The following APAF1 variants were observed in gnomAD, a reference collection of about 807,000 sequenced individuals.
The protein encoded by APAF1 is apoptotic protease-activating factor 1.
Under a neutral mutation model 152.4 loss-of-function variants are expected in APAF1, and 91 were observed. The ratio of observed to expected loss-of-function variants is 0.60; its 90% CI spans 0.50 to 0.71. The LOEUF is 0.71. APAF1 is among the 30% of genes least tolerant of loss of function. APAF1 has a pLI of 0.00. For missense variants in APAF1, 1,283 were observed against 1,472.0 expected, an observed-to-expected ratio of 0.87 and a Z score of 2.10; for synonymous variants, 484 against 494.1, an observed-to-expected ratio of 0.98 and a Z score of 0.27.
chr12:98,711,236 A>G (rs1246033578), intron 20 of APAF1, among the ~76,000 whole-genome samples: 4 of 152,114 alleles, frequency 2.6e-5, no homozygotes, highest in Non-Finnish European at 5.9e-5. Flanking sequence ...TCATGCTTGT[A>G]TTTCCTTTAT....
chr12:98,680,437 A>C (rs772984932), intron 14 of APAF1, 35 bp downstream of exon 14: 1 of 1,604,976 alleles, frequency 6.2e-7, no homozygotes, highest in Non-Finnish European at 8.5e-7. Flanking sequence ...TTGTAATCAC[A>C]ACAGAATTCA....
chr12:98,694,892 T>C (rs2097708068), intron 16 of APAF1, among the ~76,000 whole-genome samples: 1 of 151,940 alleles, frequency 6.6e-6, no homozygotes, highest in Admixed American at 6.5e-5. Context: ...TTTTTTTTTT[T>C]TTTAGACAGT....
chr12:98,691,506 C>G (rs2097704190), intron 16 of APAF1, among the ~76,000 whole-genome samples: 1 of 152,166 alleles, frequency 6.6e-6, no homozygotes, highest in Non-Finnish European at 1.5e-5. Context: ...TGTTTCCTGA[C>G]TACCTACTCC....
At chr12:98,700,352 G>A (rs1380303852) in intron 17 of APAF1, among the ~76,000 whole-genome samples, 3 of 152,146 alleles carry the variant, frequency 2.0e-5, no homozygotes, top group Non-Finnish European at 4.4e-5. Context: ...CAAAAGACTT[G>A]AATGAGGGAT....
intron 16 of APAF1, among the ~76,000 whole-genome samples, chr12:98,690,997 A>G (rs2097703565): frequency 1.3e-5 from 2 of 152,086 alleles, no homozygotes; most frequent in South Asian, 2.1e-4. Flanking sequence ...TCATGAGGTC[A>G]GGAGTTCGAG....
chr12:98,675,261 G>A (rs1006757891), intron 12 of APAF1, among the ~76,000 whole-genome samples: 1 of 152,102 alleles, frequency 6.6e-6, no homozygotes, highest in African/African-American at 2.4e-5. Flanking sequence ...TCATTCATTT[G>A]TTATTTGTCT....
In APAF1 at chr12:98,666,274, G is replaced by A; in HGVS notation, c.1279G>A (p.Asp427Asn). ...TGTAAATAAGTCTCTTTTATTCTGT[G>A]ATCGGAATGGAAAGTCGTTTCGTTA... ...EFVNKSLLFC[D>N]RNGKSFRYYL... The change falls in exon 9 of 27, where the codon GAT becomes AAT. Residue 427 changes from aspartate to asparagine, a missense_variant. Coordinates refer to ENST00000551964, the MANE Select transcript of APAF1 (RefSeq NM_181861.2). 3 of 1,613,730 alleles carry A rather than the reference G, an allele frequency of 1.9e-6. No homozygotes were observed. Among genetic ancestry groups the A allele is most frequent in the Non-Finnish European group, 2.5e-6 (3 of 1,179,798 alleles).
At chr12:98,707,692 C>CTATATA (rs10668292) in intron 19 of APAF1, among the ~76,000 whole-genome samples, 3,952 of 139,578 alleles carry the variant, frequency 0.028, 175 homozygotes, top group African/African-American at 0.095. Flanking sequence ...ATGCAAAGTA[C>CTATATA]TATATATATA....
intron 21 of APAF1, 200 bp downstream of exon 21, chr12:98,712,635 G>A: frequency 1.8e-6 from 1 of 549,420 alleles, no homozygotes; most frequent in Non-Finnish European, 3.2e-6. Flanking sequence ...TCCCACTTAA[G>A]CCTCCTGAGT....
At chr12:98,647,665 C>T (rs1009738888) in intron 1 of APAF1, among the ~76,000 whole-genome samples, 15 of 151,392 alleles carry the variant, frequency 9.9e-5, no homozygotes, top group African/African-American at 2.2e-4. Flanking sequence ...CCACTGCGCC[C>T]GGCCCCCACG....
chr12:98,668,738 A>G (rs1025469839), intron 10 of APAF1, among the ~76,000 whole-genome samples: 4 of 152,208 alleles, frequency 2.6e-5, no homozygotes, highest in African/African-American at 9.6e-5. Context: ...GGTCTTTGGG[A>G]GAACAAGCTT....
At chr12:98,692,685 G>A (rs2097705612) in intron 16 of APAF1, among the ~76,000 whole-genome samples, 1 of 152,142 alleles carries the variant, frequency 6.6e-6, no homozygotes, top group African/African-American at 2.4e-5. Context: ...TTAGGATAAT[G>A]GCCTCCAGCT....
intron 16 of APAF1, among the ~76,000 whole-genome samples, chr12:98,687,420 A>G (rs2097699179): frequency 6.6e-6 from 1 of 151,624 alleles, no homozygotes; most frequent in Non-Finnish European, 1.5e-5. Context: ...TTGAATTCTT[A>G]AATTTTAAGT....
chr12:98,710,141 T>TG (rs779232554), intron 20 of APAF1, among the ~76,000 whole-genome samples: 5 of 151,036 alleles, frequency 3.3e-5, no homozygotes, highest in Non-Finnish European at 5.9e-5. Context: ...CCCAAAGAGC[T>TG]GGGATTATAG....
At chr12:98,671,995 A>G (rs770822802) in intron 12 of APAF1, among the ~76,000 whole-genome samples, 4 of 152,180 alleles carry the variant, frequency 2.6e-5, no homozygotes, top group Non-Finnish European at 4.4e-5. Context: ...GTAATTTAGT[A>G]TAGTGGTGAG....
intron 21 of APAF1, among the ~76,000 whole-genome samples, chr12:98,713,327 G>A (rs902886874): frequency 2.0e-5 from 3 of 151,952 alleles, no homozygotes; most frequent in Admixed American, 6.6e-5. Flanking sequence ...TCAAGATTTC[G>A]CTAACTATGC....
chr12:98,729,379 T>C (rs2097756606), intron 26 of APAF1, among the ~76,000 whole-genome samples: 1 of 152,176 alleles, frequency 6.6e-6, no homozygotes, highest in Admixed American at 6.5e-5. Flanking sequence ...CATTAGATTC[T>C]CGTAAGGAGT....
At chr12:98,727,115 A>T in intron 25 of APAF1, 58 bp from the exon 26 acceptor site, 1 of 1,545,210 alleles carries the variant, frequency 6.5e-7, no homozygotes, top group Non-Finnish European at 8.9e-7. Context: ...TATATGTTTT[A>T]AAACCAGAGA....
chr12:98,694,120 A>G (rs1477028155), intron 16 of APAF1, among the ~76,000 whole-genome samples: 2 of 152,226 alleles, frequency 1.3e-5, no homozygotes, highest in Non-Finnish European at 2.9e-5. Context: ...CACATGTAAA[A>G]ATTAAAGATG....
Sources: gnomAD v4.1 joint callset for allele counts (sites outside exome capture counted in the v4.1 genomes callset) on GRCh38, gnomAD v4.1.1 for gene constraint, MANE v1.5 for transcripts, NCBI Gene and HGNC (gene_info 2026-07-23, HGNC 2026-07-21) for gene names.